Variants in LDLRAD4 observed in about 807,000 individuals in gnomAD.
LDLRAD4 encodes the protein low-density lipoprotein receptor class A domain-containing protein 4.
In LDLRAD4, 5 loss-of-function variants were observed where a neutral mutation model predicts 17.0. The observed-to-expected ratio is 0.29, with a 90% CI of 0.15 to 0.62. LDLRAD4 has a LOEUF of 0.62. LDLRAD4 is among the 20% of genes least tolerant of loss of function. The probability of loss-of-function intolerance (pLI) is 0.84; values close to 1 mark genes in which losing one functional copy is unlikely to be tolerated. For missense variants in LDLRAD4, 340 were observed against 424.7 expected (o/e 0.80, Z 1.75); for synonymous variants, 168 against 171.8 (o/e 0.98, Z 0.17).
Position 13,300,687 on chromosome 18 carries a change from T to C in LDLRAD4, c.-383+22499T>C, listed in dbSNP as rs751705570. On this transcript the variant is annotated intron_variant, in intron 1 of 5. Coordinates refer to ENST00000359446, the Ensembl canonical transcript of LDLRAD4. The surrounding 1 kb of genome is among the most constrained non-coding windows in gnomAD (Gnocchi z 4.2). ...ATCAGCCCCTGCACCCAAGAATTTC[T>C]TGGTGGCGTTCACACTAAGAAGTGT... 9.6e-4 allele frequency among the ~76,000 whole-genome samples: 147 copies of C among 152,352 alleles called. 1 individual carries two copies. Among genetic ancestry groups the C allele is most frequent in the Non-Finnish European group, 1.8e-3 (121 of 68,030 alleles).
At chr18:13,228,926 T>G (rs1417936889) in intron 1 of LDLRAD4, among the ~76,000 whole-genome samples, 1 of 152,234 alleles carries the variant, frequency 6.6e-6, no homozygotes, top group Admixed American at 6.5e-5. Context: ...AAGTTGAACT[T>G]GGAATGAAGC....
At position 13,645,495 on chromosome 18, in the gene LDLRAD4, C is replaced by T. The variant is rs149728575; in HGVS notation, c.759C>T (p.Pro253=). ...ACGGGAGGATGGAGGGGCCACCCCC[C>T]ACATACAGCGAGGTGATGGGCCACC... The change falls in exon 6 of 6, where the codon CCC becomes CCT. Residue 253 remains proline, a synonymous_variant. Transcript: ENST00000359446. This position sits in a 1 kb window ranked among gnomAD's most constrained non-coding sequence, Gnocchi z 5.7. 4 of 1,610,508 alleles carry T rather than the reference C, an allele frequency of 2.5e-6. No individual in the cohort carries two copies. The highest frequency in any genetic ancestry group is 1.1e-5 in the South Asian group (1 of 90,590).
At chr18:13,586,701 C>T (rs2094939923) in intron 3 of LDLRAD4, among the ~76,000 whole-genome samples, 1 of 151,772 alleles carries the variant, frequency 6.6e-6, no homozygotes, top group Non-Finnish European at 1.5e-5. Flanking sequence ...CCAGCCTGGC[C>T]AACATGGCAA....
In LDLRAD4 at chr18:13,645,133, C is replaced by G. The variant is rs773367922; in HGVS notation, c.397C>G (p.His133Asp). ...TCTCCTCTTTTCCTTCCAGATCATG[C>G]ATGCCCCGCGGTCCAGGGACAGGTT... The change falls in exon 6 of 6, where the codon CAT becomes GAT. Residue 133 changes from histidine to aspartate, a missense_variant. By Grantham distance (81) the His-to-Asp change is moderately conservative (BLOSUM62 -1). Coordinates refer to ENST00000359446, the Ensembl canonical transcript of LDLRAD4. This position sits in a 1 kb window ranked among gnomAD's most constrained non-coding sequence, Gnocchi z 5.7. 6.2e-7 allele frequency: 1 copy of G among 1,606,346 alleles called. No individual in the cohort carries two copies. Among genetic ancestry groups the G allele is most frequent in the Non-Finnish European group, 8.5e-7 (1 of 1,175,264 alleles).
intron 1 of LDLRAD4, among the ~76,000 whole-genome samples, chr18:13,311,427 T>C (rs8087850): frequency 0.97 from 147,808 of 152,324 alleles, 71,854 homozygotes; most frequent in East Asian, 1. Flanking sequence ...GCTTGGCTTC[T>C]GCCACACTCC....
chr18:13,502,866 G>A (rs2093634079), intron 3 of LDLRAD4, among the ~76,000 whole-genome samples: 2 of 152,248 alleles, frequency 1.3e-5, no homozygotes, highest in South Asian at 2.1e-4. Context: ...CAGTCTGGCT[G>A]GCAGCCACAG....
intron 3 of LDLRAD4, among the ~76,000 whole-genome samples, chr18:13,465,662 C>G (rs2092591394): frequency 6.6e-6 from 1 of 152,246 alleles, no homozygotes; most frequent in South Asian, 2.1e-4. Flanking sequence ...AGGGTTGTAT[C>G]TGTTGGTGGA....
intron 1 of LDLRAD4, among the ~76,000 whole-genome samples, chr18:13,265,443 C>G (rs1304448888): frequency 6.6e-6 from 1 of 152,246 alleles, no homozygotes; most frequent in Non-Finnish European, 1.5e-5. Context: ...CTGCCTGGAG[C>G]ATGGCTTTCT....
At chr18:13,625,944 T>A (rs1001057449) in intron 4 of LDLRAD4, among the ~76,000 whole-genome samples, 10 of 151,122 alleles carry the variant, frequency 6.6e-5, no homozygotes, top group Non-Finnish European at 1.5e-4. Flanking sequence ...CAGTGCATGC[T>A]GCATGAACGT....
At chr18:13,259,091 C>T (rs1236957053) in intron 1 of LDLRAD4, among the ~76,000 whole-genome samples, 1 of 152,234 alleles carries the variant, frequency 6.6e-6, no homozygotes, top group Non-Finnish European at 1.5e-5. Context: ...GCCATTCCCG[C>T]AGAGCACTTG....
chr18:13,282,713 CA>C (rs1301398381), intron 1 of LDLRAD4, among the ~76,000 whole-genome samples: 2 of 152,154 alleles, frequency 1.3e-5, no homozygotes, highest in African/African-American at 4.8e-5. Context: ...GCACACGGTA[CA>C]GGCTGTCTGT....
chr18:13,572,744 G>A (rs1436854474), intron 3 of LDLRAD4, among the ~76,000 whole-genome samples: 3 of 152,196 alleles, frequency 2.0e-5, no homozygotes, highest in South Asian at 4.1e-4. Flanking sequence ...CAGGTGTTTT[G>A]GAGGTAGCTT....
chr18:13,636,069 C>A (rs1470925459), intron 4 of LDLRAD4, among the ~76,000 whole-genome samples: 1 of 151,994 alleles, frequency 6.6e-6, no homozygotes, highest in East Asian at 1.9e-4. Context: ...CCTTATAGAC[C>A]CCAAAGAAAA....
intron 3 of LDLRAD4, among the ~76,000 whole-genome samples, chr18:13,609,843 A>T (rs1410751434): frequency 2.6e-5 from 4 of 152,152 alleles, no homozygotes; most frequent in African/African-American, 9.7e-5. Context: ...TTAGCCCGGC[A>T]TGTTGGCGCA....
At chr18:13,438,198 C>A (rs780541408) in intron 2 of LDLRAD4, 46 bp from the exon 4 acceptor site, 1 of 1,586,876 alleles carries the variant, frequency 6.3e-7, no homozygotes, top group South Asian at 1.1e-5. Context: ...CTCAAGAGCA[C>A]CAAGCTTGCA....
intron 1 of LDLRAD4, among the ~76,000 whole-genome samples, chr18:13,375,269 C>T (rs1225596577): frequency 1.3e-5 from 2 of 152,172 alleles, no homozygotes; most frequent in Admixed American, 1.3e-4. Flanking sequence ...CTGAAAATAT[C>T]CTTGAAAATG....
intron 2 of LDLRAD4, among the ~76,000 whole-genome samples, chr18:13,413,963 G>A (rs1037015841): frequency 6.6e-6 from 1 of 152,014 alleles, no homozygotes; most frequent in East Asian, 1.9e-4. Context: ...GAGTACCTGC[G>A]TTTCTACCCA....
intron 2 of LDLRAD4, among the ~76,000 whole-genome samples, chr18:13,417,578 G>A (rs1449574627): frequency 3.9e-5 from 6 of 151,908 alleles, no homozygotes; most frequent in Admixed American, 2.0e-4. Flanking sequence ...GACTACAGGC[G>A]CCCGCCACCA....
Position 13,620,829 on chromosome 18 carries a change from G to A in LDLRAD4, c.182-288G>A, listed in dbSNP as rs554603176. On this transcript the variant is annotated intron_variant, in intron 3 of 5. Coordinates refer to ENST00000359446, the Ensembl canonical transcript of LDLRAD4. ...AAGACGGGTTTAACTTTTCTAGAGCGGTGACATTGGAGAAATAGCTTCAGT... is the reference window on the plus strand; with the variant it reads ...AAGACGGGTTTAACTTTTCTAGAGCAGTGACATTGGAGAAATAGCTTCAGT... 231 of 460,892 alleles carry A rather than the reference G, an allele frequency of 5.0e-4. 2 individuals are homozygous for A. The highest frequency in any genetic ancestry group is 3.7e-4 in the Non-Finnish European group (93 of 253,606). 28.6% of individuals were successfully genotyped at this position (460,892 alleles called of 1,614,324 possible). A position where few individuals can be genotyped will look rare whatever the true frequency, so the allele number is the denominator to read the frequency against.
Sources: allele counts gnomAD v4.1 joint callset (sites outside exome capture counted in the v4.1 genomes callset), GRCh38; gene constraint gnomAD v4.1.1; non-coding constraint Gnocchi (gnomAD v3.1); transcripts MANE v1.5; gene names NCBI Gene and HGNC (gene_info 2026-07-23, HGNC 2026-07-21).